The following GDE1 variants were observed in gnomAD, a reference collection of about 807,000 sequenced individuals.
GDE1 encodes RGS16-interacting membrane protein.
GDE1 carries 24 observed loss-of-function variants against 32.2 expected under a neutral mutation model. The observed-to-expected ratio is 0.75, with a 90% CI of 0.54 to 1.05. The LOEUF is 1.05. Among genes scored for constraint, GDE1 ranks in the 50% least tolerant of loss-of-function variants. The pLI is 0.00. For missense variants in GDE1, 380 were observed against 415.0 expected, an observed-to-expected ratio of 0.92 and a Z score of 0.73; for synonymous variants, 159 against 158.6, an observed-to-expected ratio of 1.00 and a Z score of -0.02.
chr16:19,504,631 G>A lies in GDE1; in HGVS notation c.848+250C>T, dbSNP rs1025530846. 2.6e-5 allele frequency: 11 copies of A among 424,168 alleles called. No homozygotes were observed. In the East Asian group the frequency reaches 4.6e-4, roughly 18 times the overall value. 26.3% of individuals were successfully genotyped at this position (424,168 alleles called of 1,614,324 possible). On this transcript the variant is annotated intron_variant, in intron 5 of 5. Transcript: ENST00000353258. The stretch of plus-strand genomic sequence containing the variant: ...GAAATAAAATCCCTTGCTCAGCATA[G>A]TGTCACAGGTTCATTTTTTTTCTTC...
intron 2 of GDE1, among the ~76,000 whole-genome samples, chr16:19,511,262 C>T (rs1269647392): frequency 6.6e-6 from 1 of 152,040 alleles, no homozygotes; most frequent in Non-Finnish European, 1.5e-5. Context: ...GACACCACGC[C>T]TGGCTAATTT....
chr16:19,519,077 C>G (rs2151449912), intron 1 of GDE1, among the ~76,000 whole-genome samples: 1 of 152,324 alleles, frequency 6.6e-6, no homozygotes, highest in South Asian at 2.1e-4. Context: ...GCACCCCACC[C>G]TCCTCCAGAC....
chr16:19,519,954 G>C (rs537951469), intron 1 of GDE1, among the ~76,000 whole-genome samples: 260 of 152,334 alleles, frequency 1.7e-3, no homozygotes, highest in African/African-American at 5.4e-3. Context: ...GGAAGTTGCA[G>C]TGAGTTGAGA....
intron 1 of GDE1, among the ~76,000 whole-genome samples, chr16:19,518,864 G>A (rs1969413936): frequency 6.6e-6 from 1 of 152,138 alleles, no homozygotes; most frequent in Non-Finnish European, 1.5e-5. Context: ...ATGTGATACA[G>A]ATGTACGACT....
In GDE1 at chr16:19,502,062, CAATA is replaced by C. The variant is rs1969181490; in HGVS notation, c.*1404_*1407del. ...ATTTTAATGTTGCTATGTAAGTTCA[CAATA>C]AAATCCCTGGAAGTTCAAATTGGAA... is the stretch of plus-strand genomic sequence containing the variant. On this transcript the variant is annotated 3_prime_UTR_variant, in exon 6 of 6. Transcript: ENST00000353258. The C allele has an allele frequency of 1.3e-5, 2 of 152,176 alleles. No individual in the cohort carries two copies. Among genetic ancestry groups the C allele is most frequent in the Admixed American group, 1.3e-4 (2 of 15,274 alleles). 9.4% of individuals were successfully genotyped at this position (152,176 alleles called of 1,614,324 possible).
intron 3 of GDE1, 33 bp from the exon 4 acceptor site, chr16:19,507,812 T>G (rs1001925506): frequency 2.0e-6 from 2 of 1,001,142 alleles, no homozygotes; most frequent in Non-Finnish European, 3.1e-6. Flanking sequence ...TATTTAAAAT[T>G]GATTAAAATG....
chr16:19,504,798 G>A, intron 5 of GDE1, 83 bp downstream of exon 5: 1 of 868,890 alleles, frequency 1.2e-6, no homozygotes, highest in Non-Finnish European at 1.8e-6. Context: ...ACCAATTCAG[G>A]TTGTCTACTC....
intron 4 of GDE1, among the ~76,000 whole-genome samples, chr16:19,506,649 CAAA>C (rs1180025038): frequency 6.6e-6 from 1 of 151,040 alleles, no homozygotes; most frequent in Non-Finnish European, 1.5e-5. Context: ...CAAAAACAAA[CAAA>C]AAAAGATTTA....
At chr16:19,510,514 G>T (rs1969304177) in intron 3 of GDE1, among the ~76,000 whole-genome samples, 1 of 151,838 alleles carries the variant, frequency 6.6e-6, no homozygotes, top group African/African-American at 2.4e-5. Context: ...GTAACTCAAG[G>T]TTACTACAGT....
chr16:19,517,087 C>T lies in GDE1; in HGVS notation c.364G>A (p.Gly122Arg), dbSNP rs748768052. The part of the protein sequence containing the change: ...HDNTVDRTTD[G>R]TGRLCDLTFE... ...GTCAAATCACACAATCGCCCAGTCCCATCAGTCGTCCTATCTACTGTGTTA... is the reference window on the plus strand; with the variant it reads ...GTCAAATCACACAATCGCCCAGTCCTATCAGTCGTCCTATCTACTGTGTTA... The change falls in exon 2 of 6, where the codon GGG becomes AGG. Residue 122 changes from glycine (G) to arginine (R), a missense_variant. Physicochemically the swap from Gly to Arg is moderately radical, Grantham distance 125. Coordinates refer to ENST00000353258, the MANE Select transcript of GDE1 (RefSeq NM_016641.4). The T allele has an allele frequency of 2.5e-6, 4 of 1,613,996 alleles. No homozygotes were observed. The African/African-American group carries it at 4.0e-5, about 16-fold the overall frequency.
chr16:19,511,045 G>A (rs1401736436), intron 2 of GDE1, 101 bp from the exon 3 acceptor site: 20 of 557,118 alleles, frequency 3.6e-5, no homozygotes, highest in South Asian at 3.4e-4. Flanking sequence ...AGGAAAGAGT[G>A]TTTTCTCCAA....
rs1969193132 is a variant in GDE1 at position 19,502,715 on chromosome 16, T to C, written c.*755A>G. The stretch of plus-strand genomic sequence containing the variant: ...TTCCACAGAGTTTAGTTTCCTCATT[T>C]GTAAAATGAGGACAAACCTAGATAT... On this transcript the variant is annotated 3_prime_UTR_variant, in exon 6 of 6. Coordinates refer to ENST00000353258, the MANE Select transcript of GDE1 (RefSeq NM_016641.4). The C allele has an allele frequency of 6.6e-6, 1 of 152,144 alleles. No individual in the cohort carries two copies. The highest frequency in any genetic ancestry group is 1.5e-5 in the Non-Finnish European group (1 of 68,024). The allele number at this position is 152,144 out of a possible 1,614,324, so 9.4% of individuals were successfully genotyped here. A position where few individuals can be genotyped will look rare whatever the true frequency, so the allele number is the denominator to read the frequency against.
intron 4 of GDE1, among the ~76,000 whole-genome samples, chr16:19,505,820 C>T (rs1969239487): frequency 6.6e-6 from 1 of 152,098 alleles, no homozygotes; most frequent in African/African-American, 2.4e-5. Context: ...CTCTGTTGGT[C>T]ACTGGTAAAG....
chr16:19,505,826 TA>T (rs1969239657), intron 4 of GDE1, among the ~76,000 whole-genome samples: 1 of 152,162 alleles, frequency 6.6e-6, no homozygotes. Flanking sequence ...TGGTCACTGG[TA>T]AAGAATGCTA....
At chr16:19,517,224 G>T (rs780495509) in intron 1 of GDE1, 35 bp from the exon 2 acceptor site, 74 of 1,547,858 alleles carry the variant, frequency 4.8e-5, no homozygotes, top group Non-Finnish European at 6.6e-5. Context: ...ACTGTCAAAT[G>T]GCCACAAACA....
Position 19,507,677 on chromosome 16 carries a change from C to A in GDE1, c.636+10G>T. 7.1e-7 allele frequency: 1 copy of A among 1,418,306 alleles called. No homozygotes were observed. Among genetic ancestry groups the A allele is most frequent in the Non-Finnish European group, 1.0e-6 (1 of 1,001,656 alleles). The allele number at this position is 1,418,306 out of a possible 1,614,324, so 87.9% of individuals were successfully genotyped here. A position where few individuals can be genotyped will look rare whatever the true frequency, so the allele number is the denominator to read the frequency against. On this transcript the variant is annotated intron_variant, in intron 4 of 5. Coordinates refer to ENST00000353258, the MANE Select transcript of GDE1 (RefSeq NM_016641.4). ...CACCTAATATGTACAAGAAAAATCC[C>A]GAATGTTACCTTGTAGATAACTTCT...
At chr16:19,503,712 TG>T in intron 5 of GDE1, 95 bp from the exon 6 acceptor site, 2 of 1,028,366 alleles carry the variant, frequency 1.9e-6, no homozygotes, top group Non-Finnish European at 3.0e-6. Flanking sequence ...TGCATACCAA[TG>T]GTGCCCAGAG....
intron 1 of GDE1, among the ~76,000 whole-genome samples, chr16:19,520,626 G>A (rs563807130): frequency 6.6e-6 from 1 of 151,752 alleles, no homozygotes; most frequent in Non-Finnish European, 1.5e-5. Flanking sequence ...TCCGGAGGCT[G>A]AGGCACGAGA....
At position 19,503,518 on chromosome 16, in the gene GDE1, G is replaced by A. The variant is rs1296289442; in HGVS notation, c.948C>T (p.Ser316=). Residue 316 remains serine, a synonymous_variant, in exon 6 of 6, where the codon TCC becomes TCT. Coordinates refer to ENST00000353258, the MANE Select transcript of GDE1 (RefSeq NM_016641.4). ...CTACCATGCTGTCAGTGATATAGCT[G>A]GAACCAAGATGGGATTCGTAGTAAC... The part of the protein sequence containing the change: ...EKSYYESHLG[S]SYITDSMVED... 8 of 1,613,616 alleles carry A rather than the reference G, an allele frequency of 5.0e-6. No homozygotes were observed. The highest frequency in any genetic ancestry group is 5.9e-6 in the Non-Finnish European group (7 of 1,179,642).
Sources: allele counts gnomAD v4.1 joint callset (sites outside exome capture counted in the v4.1 genomes callset), GRCh38; gene constraint gnomAD v4.1.1; transcripts MANE v1.5; gene names NCBI Gene and HGNC (gene_info 2026-07-23, HGNC 2026-07-21).